The following ZFHX3 variants were observed in gnomAD, a reference collection of about 807,000 sequenced individuals.
ZFHX3 encodes the protein zinc finger homeobox protein 3.
Under a neutral mutation model 279.1 loss-of-function variants are expected in ZFHX3, and 42 were observed. The observed-to-expected ratio is 0.15, with a 90% CI of 0.12 to 0.19. ZFHX3 has a LOEUF of 0.19. Ranked by LOEUF, ZFHX3 falls within the 10% of genes least tolerant of loss-of-function variation. The pLI is 1.00. For missense variants in ZFHX3, 4,981 were observed against 4,754.0 expected (o/e 1.05, Z -1.40); for synonymous variants, 2,293 against 1,957.8 (o/e 1.17, Z -4.52).
chr16:72,855,878 T>A (rs903338261), intron 4 of ZFHX3, among the ~76,000 whole-genome samples: 1 of 152,154 alleles, frequency 6.6e-6, no homozygotes, highest in Non-Finnish European at 1.5e-5. Context: ...TCTCCCCCAA[T>A]GGCAAGAAAC....
intron 1 of ZFHX3, among the ~76,000 whole-genome samples, chr16:72,996,292 AAATT>A (rs1299376247): frequency 2.0e-5 from 3 of 152,168 alleles, no homozygotes; most frequent in Admixed American, 6.5e-5. Flanking sequence ...TAAAATAAAT[AAATT>A]AATTAATTAA....
chr16:73,552,335 G>A (rs2143772079), intron 2 of ZFHX3, among the ~76,000 whole-genome samples: 1 of 152,180 alleles, frequency 6.6e-6, no homozygotes, highest in South Asian at 2.1e-4. Flanking sequence ...ATTATGCCCT[G>A]TACATGTTTT....
At chr16:73,030,707 A>C (rs4788691) in intron 1 of ZFHX3, among the ~76,000 whole-genome samples, 1 of 152,082 alleles carries the variant, frequency 6.6e-6, no homozygotes, top group African/African-American at 2.4e-5. Flanking sequence ...AGGGTCCCCA[A>C]TGACCAACTT....
At chr16:73,854,678 T>A (rs536001279) in intron 1 of ZFHX3, among the ~76,000 whole-genome samples, 1 of 135,818 alleles carries the variant, frequency 7.4e-6, no homozygotes, top group East Asian at 2.1e-4. Context: ...AAATACTAAG[T>A]CTGCTTGCTG....
intron 2 of ZFHX3, among the ~76,000 whole-genome samples, chr16:73,525,442 A>C (rs2143715432): frequency 6.6e-6 from 1 of 152,322 alleles, no homozygotes; most frequent in Middle Eastern, 3.4e-3. Context: ...TAAAGTGATG[A>C]AAAAGAGGAT....
intron 5 of ZFHX3, among the ~76,000 whole-genome samples, chr16:73,189,990 G>A (rs955388895): frequency 2.6e-5 from 4 of 152,194 alleles, no homozygotes; most frequent in Non-Finnish European, 5.9e-5. Context: ...GAGAAATGGA[G>A]GTGATGTTAT....
chr16:73,718,621 TA>T (rs201211936), intron 1 of ZFHX3, among the ~76,000 whole-genome samples: 117,345 of 149,588 alleles, frequency 0.78, 48,083 homozygotes, highest in Middle Eastern at 0.9. Context: ...ATTATTTATT[TA>T]TTTATTTTTT....
At chr16:73,295,572 G>T (rs1196322758) in intron 4 of ZFHX3, among the ~76,000 whole-genome samples, 2 of 152,240 alleles carry the variant, frequency 1.3e-5, no homozygotes, top group Non-Finnish European at 2.9e-5. Context: ...TTTTAGGGTT[G>T]CCTGGTTTCC....
At chr16:72,858,047 C>T (rs2037795442) in intron 4 of ZFHX3, among the ~76,000 whole-genome samples, 1 of 152,258 alleles carries the variant, frequency 6.6e-6, no homozygotes, top group African/African-American at 2.4e-5. Context: ...GAAGTAAATT[C>T]AGTGTTCTCT....
chr16:73,149,868 G>T (rs1966898230), intron 5 of ZFHX3, among the ~76,000 whole-genome samples: 1 of 152,156 alleles, frequency 6.6e-6, no homozygotes, highest in South Asian at 2.1e-4. Flanking sequence ...GCAGAGTGCA[G>T]GCAGGTGTGT....
In ZFHX3 at chr16:73,206,828, G is replaced by A. The variant is rs539240787; in HGVS notation, c.-1104+50219C>T. ...GGGTCAGGATTTCAAGACCAGCCTG[G>A]CCAACATGGTGAAACCCCATTTCTA... On this transcript the variant is annotated intron_variant, in intron 5 of 17. Coordinates refer to the ZFHX3 transcript ENST00000641206. 2.5e-3 allele frequency among the ~76,000 whole-genome samples: 377 copies of A among 152,018 alleles called. 1 individual carries two copies. The highest frequency in any genetic ancestry group is 8.9e-3 in the African/African-American group (371 of 41,468).
At chr16:73,174,863 C>CAAAAAAAAAAAA (rs34447211) in intron 5 of ZFHX3, among the ~76,000 whole-genome samples, 5 of 86,814 alleles carry the variant, frequency 5.8e-5, no homozygotes, top group African/African-American at 1.6e-4. Flanking sequence ...ACTAAAAATA[C>CAAAAAAAAAAAA]AAAAAAAAAA....
chr16:73,713,826 AT>A (rs1464279656), intron 1 of ZFHX3, among the ~76,000 whole-genome samples: 2 of 152,106 alleles, frequency 1.3e-5, no homozygotes, highest in Admixed American at 6.5e-5. Flanking sequence ...GATTTTATAG[AT>A]TTCCCCCAAA....
At chr16:73,778,985 T>G (rs1959356660) in intron 1 of ZFHX3, among the ~76,000 whole-genome samples, 1 of 152,210 alleles carries the variant, frequency 6.6e-6, no homozygotes, top group South Asian at 2.1e-4. Context: ...AAAACTGTTT[T>G]CTCTGAACAC....
At chr16:72,806,758 G>T (rs2036279092) in intron 7 of ZFHX3, among the ~76,000 whole-genome samples, 2 of 152,020 alleles carry the variant, frequency 1.3e-5, no homozygotes, top group Non-Finnish European at 2.9e-5. Flanking sequence ...CGAGAAAAGT[G>T]CAGGCAACAC....
intron 4 of ZFHX3, among the ~76,000 whole-genome samples, chr16:72,844,957 G>C (rs1265775163): frequency 2.0e-5 from 3 of 151,892 alleles, no homozygotes; most frequent in Non-Finnish European, 4.4e-5. Context: ...TTCATAGAGA[G>C]CTAAGCCGAG....
chr16:73,543,690 T>C (rs1406848318), intron 2 of ZFHX3, among the ~76,000 whole-genome samples: 4 of 152,100 alleles, frequency 2.6e-5, no homozygotes, highest in Non-Finnish European at 5.9e-5. Context: ...TTCTTTTCCA[T>C]TTTTTTCCTC....
intron 3 of ZFHX3, among the ~76,000 whole-genome samples, chr16:73,418,374 G>A (rs1473999216): frequency 6.6e-6 from 1 of 152,230 alleles, no homozygotes; most frequent in Non-Finnish European, 1.5e-5. Flanking sequence ...CGATCACCTG[G>A]AATAGGGAGT....
At chr16:72,859,397 C>T (rs1481559273) in intron 4 of ZFHX3, among the ~76,000 whole-genome samples, 1 of 152,120 alleles carries the variant, frequency 6.6e-6, no homozygotes, top group Non-Finnish European at 1.5e-5. Context: ...CAACCGCTAT[C>T]GTCCCAGAGA....
Sources: allele counts gnomAD v4.1 joint callset (sites outside exome capture counted in the v4.1 genomes callset), GRCh38; gene constraint gnomAD v4.1.1; transcripts MANE v1.5; gene names NCBI Gene and HGNC (gene_info 2026-07-23, HGNC 2026-07-21).